SHOX: variants seen among roughly 807,000 people sequenced by gnomAD.
The protein encoded by SHOX is SHOX homeobox.
SHOX carries 12 observed loss-of-function variants against 29.6 expected under a neutral mutation model. The observed-to-expected ratio is 0.41, with a 90% CI of 0.26 to 0.66. The LOEUF (loss-of-function observed/expected upper bound fraction) is 0.66. SHOX is among the 30% of genes least tolerant of loss of function. The pLI is 0.35. For synonymous variants in SHOX, 214 were observed against 200.6 expected (o/e 1.07, Z -0.57); for missense variants, 499 against 437.7 (o/e 1.14, Z -1.25).
chrX:634,646 G>C lies in SHOX; in HGVS notation c.306G>C (p.Glu102Asp). 6.2e-7 allele frequency: 1 copy of C among 1,613,882 alleles called. No homozygotes were observed. Among genetic ancestry groups the C allele is most frequent in the Non-Finnish European group, 8.5e-7 (1 of 1,179,884 alleles). ...EGIYECKEKREDVKSEDEDGQ... is the reference protein window; with the variant it reads ...EGIYECKEKRDDVKSEDEDGQ... ...TTTATGAATGCAAAGAGAAGCGCGAGGACGTGAAGTCGGAGGACGAGGACG... is the reference window on the plus strand; with the variant it reads ...TTTATGAATGCAAAGAGAAGCGCGACGACGTGAAGTCGGAGGACGAGGACG... The change falls in exon 2 of 5, where the codon GAG becomes GAC. Residue 102 changes from glutamate (E) to aspartate (D), a missense_variant. By Grantham distance (45) the Glu-to-Asp change is conservative. Coordinates refer to ENST00000686671, the MANE Select transcript of SHOX (RefSeq NM_000451.4).
chrX:630,802 C>G lies in SHOX; in HGVS notation c.-96C>G. On this transcript the variant is annotated 5_prime_UTR_variant, in exon 1 of 5. Transcript: ENST00000686671. ...TCCAATGGAAAGGCGTAAATAACAG[C>G]GCTGGTGATCCACCCGCGCGCACGG... The G allele has an allele frequency of 6.9e-7, 1 of 1,455,704 alleles. No individual in the cohort carries two copies. The highest frequency in any genetic ancestry group is 9.6e-7 in the Non-Finnish European group (1 of 1,043,520). 90.2% of individuals were successfully genotyped at this position (1,455,704 alleles called of 1,614,324 possible).
chrX:650,482 G>A lies in SHOX; in HGVS notation c.*5846G>A, dbSNP rs1197307926. 6.6e-6 allele frequency among the ~76,000 whole-genome samples: 1 copy of A among 152,114 alleles called. No homozygotes were observed. The highest frequency in any genetic ancestry group is 1.5e-5 in the Non-Finnish European group (1 of 68,012). ...TCTGGGGACAGCTGGGCGTTTAACCGAAATGAAGCCGAGACGGGTTTCAGG... is the reference window on the plus strand; with the variant it reads ...TCTGGGGACAGCTGGGCGTTTAACCAAAATGAAGCCGAGACGGGTTTCAGG... On this transcript the variant is annotated 3_prime_UTR_variant, in exon 5 of 5. Coordinates refer to ENST00000686671, the MANE Select transcript of SHOX (RefSeq NM_000451.4).
rs1472775963 is a variant in SHOX, at chrX:646,996, A to G, written c.*2360A>G. Among the ~76,000 whole-genome samples the G allele has an allele frequency of 6.6e-6, 1 of 152,122 alleles. No homozygotes were observed. The highest frequency in any genetic ancestry group is 1.5e-5 in the Non-Finnish European group (1 of 68,034). ...CTGAGTAATTTTGAAAAATCGAAAC[A>G]TAACAGTGTGTCATCATTTCCTCCC... On this transcript the variant is annotated 3_prime_UTR_variant, in exon 5 of 5. Coordinates refer to ENST00000686671, the MANE Select transcript of SHOX (RefSeq NM_000451.4).
downstream of SHOX, among the ~76,000 whole-genome samples, chrX:656,319 G>A (rs1488943601): frequency 6.6e-6 from 1 of 151,800 alleles, no homozygotes; most frequent in African/African-American, 2.4e-5. Context: ...GCTCATGCCT[G>A]TAATCCCGGT....
chrX:655,598 C>A (rs1410300391), downstream of SHOX, among the ~76,000 whole-genome samples: 3 of 65,392 alleles, frequency 4.6e-5, no homozygotes, highest in African/African-American at 6.2e-5. Context: ...CTCTCTCTCT[C>A]TCTCTCTCTC....
chrX:626,997 C>G (rs756248277), upstream of SHOX, among the ~76,000 whole-genome samples: 256 of 151,720 alleles, frequency 1.7e-3, 1 homozygote, highest in African/African-American at 5.9e-3. Flanking sequence ...TCTCTCTCCT[C>G]TCTCTCTGTC....
chrX:625,895 CTCTT>C (rs1444491513), upstream of SHOX, among the ~76,000 whole-genome samples: 169 of 146,276 alleles, frequency 1.2e-3, 2 homozygotes, highest in African/African-American at 4.1e-3. Context: ...TCTCCTCTCT[CTCTT>C]TCTCTGTCTC....
intron 1 of SHOX, among the ~76,000 whole-genome samples, chrX:625,528 T>C (rs1288828583): frequency 6.6e-6 from 1 of 151,834 alleles, no homozygotes; most frequent in Non-Finnish European, 1.5e-5. Flanking sequence ...TCTATCTCTG[T>C]ATCTCTGTCT....
At chrX:643,556 A>AGAGGCTTGGGGACCTGGTGT (rs2052903708) in intron 4 of SHOX, among the ~76,000 whole-genome samples, 1 of 72,748 alleles carries the variant, frequency 1.4e-5, no homozygotes, top group African/African-American at 6.4e-5. Context: ...GGACCTAGTG[A>AGAGGCTTGGGGACCTGGTGT]CCCGGGAGAG....
chrX:624,982 C>T (rs1012301252), intron 1 of SHOX, among the ~76,000 whole-genome samples: 5 of 148,296 alleles, frequency 3.4e-5, no homozygotes, highest in African/African-American at 1.2e-4. Context: ...CTTTTCTTTT[C>T]CAGAAAGCTT....
chrX:624,861 C>G (rs868549256), intron 1 of SHOX, among the ~76,000 whole-genome samples: 1 of 56,436 alleles, frequency 1.8e-5, no homozygotes, highest in East Asian at 4.1e-4. Flanking sequence ...CTCTTTCTTT[C>G]TTTTCTTTCT....
At chrX:640,238 G>C (rs1474176380) in intron 2 of SHOX, among the ~76,000 whole-genome samples, 1 of 152,012 alleles carries the variant, frequency 6.6e-6, no homozygotes, top group East Asian at 1.9e-4. Context: ...CCAGCTACTC[G>C]GGAAGCTGAG....
At chrX:643,586 C>CGGGAGAGGCTTGGGGACCTGGTGTCCT (rs2052904941) in intron 4 of SHOX, among the ~76,000 whole-genome samples, 1 of 116,466 alleles carries the variant, frequency 8.6e-6, no homozygotes, top group Non-Finnish European at 1.8e-5. Flanking sequence ...CCTGGTGTCC[C>CGGGAGAGGCTTGGGGACCTGGTGTCCT]GGGAGAGGCT....
At chrX:659,351 T>C (rs1307071074) in exon 6 of SHOX, 1 of 152,094 alleles carries the variant, frequency 6.6e-6, no homozygotes, top group Non-Finnish European at 1.5e-5. Context: ...CCTCCCAAAG[T>C]GTTAGAATTA....
rs1341212645 is a variant in SHOX, at chrX:650,420, A to G, written c.*5784A>G. Among the ~76,000 whole-genome samples, 5 of 152,084 alleles carry G rather than the reference A, an allele frequency of 3.3e-5. No individual in the cohort carries two copies. Among genetic ancestry groups the G allele is most frequent in the Admixed American group, 2.6e-4 (4 of 15,264 alleles). On this transcript the variant is annotated 3_prime_UTR_variant, in exon 5 of 5. Coordinates refer to ENST00000686671, the MANE Select transcript of SHOX (RefSeq NM_000451.4). ...TCTGGTCTTGCTGCTGTCCTTGGCCACGTCAGCACGTGGGAGCATCTGTGG... is the reference window on the plus strand; with the variant it reads ...TCTGGTCTTGCTGCTGTCCTTGGCCGCGTCAGCACGTGGGAGCATCTGTGG...
chrX:630,686 C>G (rs1051868949), upstream of SHOX: 7 of 627,546 alleles, frequency 1.1e-5, no homozygotes, highest in African/African-American at 1.8e-5. Context: ...TCTCTGCGTG[C>G]GTCCGCCGCG....
Position 644,513 on chromosome X carries a change from G to T in SHOX, c.756G>T (p.Ser252=). 2.6e-6 allele frequency: 4 copies of T among 1,519,872 alleles called. No individual in the cohort carries two copies. The highest frequency in any genetic ancestry group is 3.5e-6 in the Non-Finnish European group (4 of 1,140,626). 94.1% of individuals were successfully genotyped at this position (1,519,872 alleles called of 1,614,324 possible). A position where few individuals can be genotyped will look rare whatever the true frequency, so the allele number is the denominator to read the frequency against. ...CGCCCTTCGGGCTGCCCATCGCGTC[G>T]CTGGCCGAGTCCGCCTCGGCCGCCG... is the stretch of plus-strand genomic sequence containing the variant. ...PPPPFGLPIA[S]LAESASAAAV... is the part of the protein sequence containing the mutation. Residue 252 remains serine, a synonymous_variant, in exon 5 of 5, where the codon TCG becomes TCT. Coordinates refer to ENST00000686671, the MANE Select transcript of SHOX (RefSeq NM_000451.4).
rs1200434074 is a variant in SHOX at position 648,682 on chromosome X, G to A, written c.*4046G>A. Among the ~76,000 whole-genome samples, 1 of 152,224 alleles carries A rather than the reference G, an allele frequency of 6.6e-6. No individual in the cohort carries two copies. Among genetic ancestry groups the A allele is most frequent in the Non-Finnish European group, 1.5e-5 (1 of 68,038 alleles). ...AGAACTGTGAGGGTGGGACACGAGT[G>A]TCTGTGGACACTGGCTGCCTTTGGC... On this transcript the variant is annotated 3_prime_UTR_variant, in exon 5 of 5. Coordinates refer to ENST00000686671, the MANE Select transcript of SHOX (RefSeq NM_000451.4).
chrX:631,236 C>T (rs1487858822), intron 1 of SHOX, 62 bp downstream of exon 1: 1 of 1,584,768 alleles, frequency 6.3e-7, no homozygotes, highest in Non-Finnish European at 8.6e-7. Flanking sequence ...CTCCTCGCCA[C>T]GGAGTCGGCC....
Sources: gnomAD v4.1 joint callset for allele counts (sites outside exome capture counted in the v4.1 genomes callset) on GRCh38, gnomAD v4.1.1 for gene constraint, MANE v1.5 for transcripts, NCBI Gene and HGNC (gene_info 2026-07-23, HGNC 2026-07-21) for gene names.